TRIM23: variants seen among roughly 807,000 people sequenced by gnomAD.
TRIM23 encodes the protein E3 ubiquitin-protein ligase TRIM23.
Under a neutral mutation model 71.0 loss-of-function variants are expected in TRIM23, and 27 were observed. The observed-to-expected ratio is 0.38, with a 90% CI of 0.28 to 0.52. The LOEUF (loss-of-function observed/expected upper bound fraction) is 0.52. Ranked by LOEUF, TRIM23 falls within the 20% of genes least tolerant of loss-of-function variation. The pLI is 0.84. For synonymous variants in TRIM23, 234 were observed against 238.0 expected (o/e 0.98, Z 0.16); for missense variants, 482 against 692.3 (o/e 0.70, Z 3.41).
At chr5:65,613,477 C>T (rs1754703861) in intron 3 of TRIM23, among the ~76,000 whole-genome samples, 1 of 152,170 alleles carries the variant, frequency 6.6e-6, no homozygotes, top group Non-Finnish European at 1.5e-5. Flanking sequence ...CCCATAACAG[C>T]CTACGAAAGC....
chr5:65,619,666 A>C (rs1171716503), intron 1 of TRIM23, among the ~76,000 whole-genome samples: 2 of 152,228 alleles, frequency 1.3e-5, no homozygotes, highest in Admixed American at 6.5e-5. Context: ...TTAGTCCTTC[A>C]ATGTAAATAA....
chr5:65,592,786 G>A (rs975480370), intron 10 of TRIM23, among the ~76,000 whole-genome samples: 1 of 152,006 alleles, frequency 6.6e-6, no homozygotes, highest in Non-Finnish European at 1.5e-5. Flanking sequence ...TGTTTTTTAC[G>A]TAAACATGTT....
intron 7 of TRIM23, among the ~76,000 whole-genome samples, chr5:65,600,168 GA>G (rs1275469326): frequency 2.6e-5 from 4 of 152,172 alleles, no homozygotes; most frequent in Non-Finnish European, 5.9e-5. Flanking sequence ...AACCATTCAT[GA>G]GAAACTGCCC....
In TRIM23 at chr5:65,591,009, C is replaced by T. The variant is rs929904858; in HGVS notation, c.*760G>A. 5.1e-6 allele frequency: 5 copies of T among 987,198 alleles called. No individual in the cohort carries two copies. The highest frequency in any genetic ancestry group is 6.0e-6 in the Non-Finnish European group (5 of 831,256). The allele number at this position is 987,198 out of a possible 1,614,324, so 61.2% of individuals were successfully genotyped here. On this transcript the variant is annotated 3_prime_UTR_variant, in exon 11 of 11. Transcript: ENST00000231524. ...AGAAGGACCAATTTAGAGCTCTGAC[C>T]TAGGTTCAGTCCTGGAAATGGGTCT...
At chr5:65,619,850 G>C (rs1754879668) in intron 1 of TRIM23, among the ~76,000 whole-genome samples, 1 of 152,178 alleles carries the variant, frequency 6.6e-6, no homozygotes, top group Non-Finnish European at 1.5e-5. Flanking sequence ...GGGAGGCCGA[G>C]GCGAGTGGAT....
chr5:65,624,307 CAG>C lies in TRIM23; in HGVS notation c.-35_-34del. 1 of 1,609,846 alleles carries C rather than the reference CAG, an allele frequency of 6.2e-7. No individual in the cohort carries two copies. The highest frequency in any genetic ancestry group is 8.5e-7 in the Non-Finnish European group (1 of 1,179,050). On this transcript the variant is annotated 5_prime_UTR_variant, in exon 1 of 11. Transcript: ENST00000231524. ...GGGGAAGCGCCACAGAAACAGCCTT[CAG>C]AGTCCTCAACTGAGAGGCGGGGTTG...
chr5:65,601,002 G>A lies in TRIM23; in HGVS notation c.1180-3822C>T, dbSNP rs567032034. ...AAAACAGAAAATAACAAGTGTTGGT[G>A]AAAATGTGGAGAAACTGCACCCTTG... On this transcript the variant is annotated intron_variant, in intron 7 of 10. Transcript: ENST00000231524. 2.0e-5 allele frequency among the ~76,000 whole-genome samples: 3 copies of A among 152,356 alleles called. No homozygotes were observed. The South Asian group carries it at 6.2e-4, about 32-fold the overall frequency.
chr5:65,615,064 A>AT (rs1478420597), intron 2 of TRIM23, among the ~76,000 whole-genome samples: 1 of 151,434 alleles, frequency 6.6e-6, no homozygotes. Flanking sequence ...TGCCCAGCTG[A>AT]TTTTTTTGTA....
In TRIM23 at chr5:65,614,184, CA is replaced by C; in HGVS notation, c.279del (p.Phe93LeufsTer68). On this transcript the variant is annotated frameshift_variant, in exon 3 of 11. Transcript: ENST00000231524. LOFTEE classifies it high-confidence loss of function. ...DSGVWGLKKN[F>X]ALLELLERLQ... The stretch of plus-strand genomic sequence containing the variant: ...AGTCGTTCCAAAAGCTCCAATAAAG[CA>C]AAATTTTTTTTCAATCCCCAGACAC... The C allele has an allele frequency of 6.2e-7, 1 of 1,613,874 alleles. No homozygotes were observed. Among genetic ancestry groups the C allele is most frequent in the Non-Finnish European group, 8.5e-7 (1 of 1,179,906 alleles).
At chr5:65,600,357 A>T (rs1324718356) in intron 7 of TRIM23, among the ~76,000 whole-genome samples, 3 of 152,182 alleles carry the variant, frequency 2.0e-5, no homozygotes, top group Non-Finnish European at 4.4e-5. Context: ...GCCCAGAAAT[A>T]AACCCTCAGG....
intron 7 of TRIM23, among the ~76,000 whole-genome samples, chr5:65,599,012 T>A (rs1214358960): frequency 3.3e-5 from 5 of 152,232 alleles, no homozygotes; most frequent in African/African-American, 1.2e-4. Context: ...GCTAACATCA[T>A]ACTCAAAAAA....
chr5:65,594,495 A>T, intron 10 of TRIM23, 26 bp downstream of exon 10: 1 of 1,593,980 alleles, frequency 6.3e-7, no homozygotes, highest in African/African-American at 1.4e-5. Flanking sequence ...TACTAAAATA[A>T]ATATTCCAAT....
chr5:65,622,655 G>T (rs1220105492), intron 1 of TRIM23, among the ~76,000 whole-genome samples: 2 of 152,078 alleles, frequency 1.3e-5, no homozygotes, highest in African/African-American at 4.8e-5. Flanking sequence ...GATTTTTTTA[G>T]TTTATGCTAC....
In TRIM23 at chr5:65,605,149, G is replaced by A. The variant is rs558298322; in HGVS notation, c.1045-104C>T. On this transcript the variant is annotated intron_variant, in intron 6 of 10. Transcript: ENST00000231524. ...TAAAAGCAGTTTTAACATTATAGTA[G>A]TCAAAGTTAAATGTAAATTTGACAA... 498 of 1,045,654 alleles carry A rather than the reference G, an allele frequency of 4.8e-4. 1 individual carries two copies. The highest frequency in any genetic ancestry group is 2.6e-3 in the Middle Eastern group (10 of 3,820). The allele number at this position is 1,045,654 out of a possible 1,614,324, so 64.8% of individuals were successfully genotyped here. A position where few individuals can be genotyped will look rare whatever the true frequency, so the allele number is the denominator to read the frequency against.
At chr5:65,619,894 C>T (rs927136060) in intron 1 of TRIM23, among the ~76,000 whole-genome samples, 6 of 152,066 alleles carry the variant, frequency 3.9e-5, no homozygotes, top group African/African-American at 1.2e-4. Flanking sequence ...CCAGCCTGGA[C>T]AACATGGTGA....
intron 10 of TRIM23, among the ~76,000 whole-genome samples, chr5:65,593,206 G>C (rs969794155): frequency 6.6e-6 from 1 of 152,096 alleles, no homozygotes; most frequent in Admixed American, 6.5e-5. Context: ...AGGATGAGGC[G>C]GGCAGATCAC....
intron 7 of TRIM23, among the ~76,000 whole-genome samples, chr5:65,602,392 A>G (rs1229640912): frequency 2.6e-5 from 4 of 152,232 alleles, no homozygotes; most frequent in East Asian, 3.9e-4. Flanking sequence ...AGACCACCTC[A>G]GCCTGGATTT....
At position 65,591,798 on chromosome 5, in the gene TRIM23, C is replaced by A. The variant is rs1754038204; in HGVS notation, c.1696G>T (p.Val566Leu). Reference sequence around the variant, plus strand: ...GCAACATCCAATACTCCAGCAGCTACAAGTTGCCGTGAGAGCCAGTCCAAC... The same window carrying A: ...GCAACATCCAATACTCCAGCAGCTAAAAGTTGCCGTGAGAGCCAGTCCAAC... ...EGLDWLSRQLVAAGVLDVA is the reference protein window; with the variant it reads ...EGLDWLSRQLLAAGVLDVA Residue 566 changes from valine (V) to leucine (L), a missense_variant, in exon 11 of 11, where the codon GTA becomes TTA. This residue lies in a region of TRIM23 where 307 missense variants were observed against 495.8 expected (regional missense o/e 0.62). Transcript: ENST00000231524. 2 of 1,611,184 alleles carry A rather than the reference C, an allele frequency of 1.2e-6. No homozygotes were observed. Among genetic ancestry groups the A allele is most frequent in the African/African-American group, 2.7e-5 (2 of 74,964 alleles).
At chr5:65,623,119 G>A (rs1754991835) in intron 1 of TRIM23, among the ~76,000 whole-genome samples, 1 of 152,080 alleles carries the variant, frequency 6.6e-6, no homozygotes, top group African/African-American at 2.4e-5. Context: ...TAAATTGTGG[G>A]AAGAAATGTC....
Sources: gnomAD v4.1 joint callset for allele counts (sites outside exome capture counted in the v4.1 genomes callset) on GRCh38, gnomAD v4.1.1 for gene constraint, gnomAD v4.1.1 regional missense constraint, MANE v1.5 for transcripts, NCBI Gene and HGNC (gene_info 2026-07-23, HGNC 2026-07-21) for gene names.